COL4A6: variants seen among roughly 807,000 people sequenced by gnomAD.
The protein encoded by COL4A6 is collagen alpha-6(IV) chain.
COL4A6 carries 59 observed loss-of-function variants against 126.7 expected under a neutral mutation model. The observed-to-expected ratio is 0.47, with a 90% CI of 0.38 to 0.58. The LOEUF (loss-of-function observed/expected upper bound fraction) is 0.58. COL4A6 is among the 20% of genes least tolerant of loss of function. COL4A6 has a pLI of 0.00. For synonymous variants in COL4A6, 547 were observed against 496.6 expected (o/e 1.10, Z -1.35); for missense variants, 1,285 against 1,337.3 (o/e 0.96, Z 0.61).
chrX:108,178,524 G>A (rs978402290), intron 27 of COL4A6, among the ~76,000 whole-genome samples, 160 bp downstream of exon 27: 1 of 112,611 alleles, frequency 8.9e-6, no homozygotes, highest in African/African-American at 3.2e-5. Flanking sequence ...GCTTGGTACT[G>A]CAAGGGTGAC....
At chrX:108,435,485 T>TA (rs1159304702) in intron 2 of COL4A6, among the ~76,000 whole-genome samples, 1 of 111,953 alleles carries the variant, frequency 8.9e-6, no homozygotes, top group African/African-American at 3.2e-5. Context: ...TATGTTTAAA[T>TA]AAATCTTTGC....
rs1359418187 is a variant in COL4A6, at chrX:108,160,557, C to G, written c.4431G>C (p.Gln1477His). The G allele has an allele frequency of 1.7e-6, 2 of 1,211,619 alleles. No individual in the cohort carries two copies. The highest frequency in any genetic ancestry group is 1.8e-5 in the South Asian group (1 of 56,900). Reference protein sequence around the residue: ...YTLVKHSQSEQVPPCPIGMSQ... With the variant: ...YTLVKHSQSEHVPPCPIGMSQ... ...TCATCCCGATGGGACACGGGGGCACCTGTTCCGACTGGCTGTGCTTTACCA... is the reference window on the plus strand; with the variant it reads ...TCATCCCGATGGGACACGGGGGCACGTGTTCCGACTGGCTGTGCTTTACCA... The change falls in exon 43 of 45, where the codon CAG becomes CAC. Residue 1477 changes from glutamine to histidine, a missense_variant. Physicochemically the swap from Gln to His is conservative, Grantham distance 24. Transcript: ENST00000334504.
At chrX:108,181,819 CCATTTA>C (rs1300281403) in intron 23 of COL4A6, among the ~76,000 whole-genome samples, 2 of 111,891 alleles carry the variant, frequency 1.8e-5, no homozygotes, top group African/African-American at 6.5e-5. Context: ...CCCTCAAGTG[CCATTTA>C]CAAACAATTG....
chrX:108,231,192 C>G (rs1224296685), intron 3 of COL4A6, among the ~76,000 whole-genome samples: 1 of 112,141 alleles, frequency 8.9e-6, no homozygotes, highest in East Asian at 2.8e-4. Context: ...GAGTCTCCCC[C>G]TCAACACTCA....
In COL4A6 at chrX:108,156,896, A is replaced by G; in HGVS notation, c.*104T>C. On this transcript the variant is annotated 3_prime_UTR_variant, in exon 45 of 45. Coordinates refer to ENST00000334504, the MANE Select transcript of COL4A6 (RefSeq NM_033641.4). The stretch of plus-strand genomic sequence containing the variant: ...AAATGAGACTCCAATGTACAACTTG[A>G]CAGGCAAAGGGGCTCAGGCCTTCCT... The G allele has an allele frequency of 1.2e-6, 1 of 854,339 alleles. No homozygotes were observed. Among genetic ancestry groups the G allele is most frequent in the Non-Finnish European group, 1.7e-6 (1 of 595,052 alleles). 70.4% of individuals were successfully genotyped at this position (854,339 alleles called of 1,213,427 possible). A position where few individuals can be genotyped will look rare whatever the true frequency, so the allele number is the denominator to read the frequency against.
intron 2 of COL4A6, among the ~76,000 whole-genome samples, chrX:108,393,078 G>A (rs1404693136): frequency 9.0e-6 from 1 of 111,586 alleles, no homozygotes; most frequent in African/African-American, 3.3e-5. Context: ...TAGCCTGGTA[G>A]CTCTTTAAAA....
chrX:108,171,001 G>T, intron 33 of COL4A6, 84 bp from the exon 34 acceptor site: 1 of 851,651 alleles, frequency 1.2e-6, no homozygotes, highest in Non-Finnish European at 1.7e-6. Flanking sequence ...ATTCTGAATT[G>T]CTGAAGGAGC....
At chrX:108,388,945 T>C (rs2040767221) in intron 2 of COL4A6, among the ~76,000 whole-genome samples, 1 of 111,824 alleles carries the variant, frequency 8.9e-6, no homozygotes, top group South Asian at 3.8e-4. Flanking sequence ...AAAGAACATC[T>C]TGATTTCTGC....
chrX:108,196,536 C>T lies in COL4A6; in HGVS notation c.878G>A (p.Gly293Glu). 8.4e-7 allele frequency: 1 copy of T among 1,195,793 alleles called. No individual in the cohort carries two copies. The highest frequency in any genetic ancestry group is 1.1e-6 in the Non-Finnish European group (1 of 885,072). Residue 293 changes from glycine to glutamate, a missense_variant, in exon 14 of 45, where the codon GGA (glycine) becomes GAA (glutamate). Gly to Glu is a moderately conservative substitution (Grantham distance 98). Coordinates refer to ENST00000334504, the MANE Select transcript of COL4A6 (RefSeq NM_033641.4). Reference sequence around the variant, plus strand: ...CCTAGGTCCTGGCAAACCAGGGATTCCCTTTTCTCCCTTTTCTCCCTTTTC... The same window carrying T: ...CCTAGGTCCTGGCAAACCAGGGATTTCCTTTTCTCCCTTTTCTCCCTTTTC... ...TGEKGEKGEK[G>E]IPGLPGPRGP...
At chrX:108,436,519 C>A (rs1440930312) in intron 2 of COL4A6, among the ~76,000 whole-genome samples, 1 of 112,719 alleles carries the variant, frequency 8.9e-6, no homozygotes, top group Non-Finnish European at 1.9e-5. Flanking sequence ...TCTGCCCATG[C>A]ATGACACTTT....
intron 2 of COL4A6, among the ~76,000 whole-genome samples, chrX:108,323,986 A>G (rs1047144963): frequency 8.9e-6 from 1 of 112,597 alleles, no homozygotes; most frequent in African/African-American, 3.2e-5. Flanking sequence ...GTATACAGTG[A>G]GTGTCATGGC....
At chrX:108,206,340 T>A (rs1278237475) in intron 9 of COL4A6, 178 bp downstream of exon 9, 1 of 563,408 alleles carries the variant, frequency 1.8e-6, no homozygotes. Context: ...TAGACTCTGA[T>A]AAATAACTCC....
intron 3 of COL4A6, among the ~76,000 whole-genome samples, chrX:108,275,594 C>T (rs1160735281): frequency 8.9e-6 from 1 of 112,851 alleles, no homozygotes; most frequent in Non-Finnish European, 1.9e-5. Flanking sequence ...AGTCATATTA[C>T]CTAGTTTCTA....
intron 2 of COL4A6, among the ~76,000 whole-genome samples, chrX:108,402,430 T>C (rs2041108156): frequency 9.0e-6 from 1 of 111,208 alleles, no homozygotes; most frequent in South Asian, 3.7e-4. Context: ...ATTATTCTTT[T>C]CAGAAAACCA....
intron 2 of COL4A6, among the ~76,000 whole-genome samples, chrX:108,425,215 GAC>G: frequency 9.4e-6 from 1 of 106,678 alleles, no homozygotes; most frequent in African/African-American, 3.4e-5. Context: ...GAGAGAGAGA[GAC>G]AGAGAGACAG....
intron 3 of COL4A6, among the ~76,000 whole-genome samples, chrX:108,247,758 C>G (rs2036751540): frequency 1.8e-5 from 2 of 111,509 alleles, no homozygotes; most frequent in Non-Finnish European, 1.9e-5. Context: ...TTTTTGTCCA[C>G]CTGCCCCCCA....
chrX:108,315,928 T>C (rs1048823900), intron 2 of COL4A6, among the ~76,000 whole-genome samples: 1 of 111,941 alleles, frequency 8.9e-6, no homozygotes, highest in Non-Finnish European at 1.9e-5. Flanking sequence ...CTCAGAACAA[T>C]TGAGTTACAA....
chrX:108,170,596 C>T lies in COL4A6; in HGVS notation c.3493+13G>A, dbSNP rs1376351317. The T allele has an allele frequency of 8.5e-7, 1 of 1,181,590 alleles. No homozygotes were observed. Among genetic ancestry groups the T allele is most frequent in the African/African-American group, 1.8e-5 (1 of 56,457 alleles). ...AAGACTTTTCCCCACTGCCTGCTCC[C>T]AAATACACATACCTTTGGGTCCTAT... On this transcript the variant is annotated intron_variant, in intron 35 of 44. Transcript: ENST00000334504.
chrX:108,205,763 T>C, intron 9 of COL4A6, 68 bp from the exon 10 acceptor site: 1 of 946,161 alleles, frequency 1.1e-6, no homozygotes, highest in Non-Finnish European at 1.5e-6. Flanking sequence ...ACACGGCATG[T>C]TGAGAGTCAC....
Sources: allele counts gnomAD v4.1 joint callset (sites outside exome capture counted in the v4.1 genomes callset), GRCh38; gene constraint gnomAD v4.1.1; transcripts MANE v1.5; gene names NCBI Gene and HGNC (gene_info 2026-07-23, HGNC 2026-07-21).